Variants in ASTN2 observed in about 807,000 individuals in gnomAD.
The protein encoded by ASTN2 is astrotactin 2, also known as astrotactin-2.
Under a neutral mutation model 139.8 loss-of-function variants are expected in ASTN2, and 54 were observed. The ratio of observed to expected loss-of-function variants is 0.39; its 90% CI spans 0.31 to 0.48. The LOEUF (loss-of-function observed/expected upper bound fraction) is 0.48. Ranked by LOEUF, ASTN2 falls within the 20% of genes least tolerant of loss-of-function variation. The pLI, the probability that ASTN2 is intolerant of heterozygous loss-of-function variation, is 0.95. For missense variants in ASTN2, 1,565 were observed against 1,725.1 expected (o/e 0.91, Z 1.64); for synonymous variants, 756 against 719.5 (o/e 1.05, Z -0.81).
intron 19 of ASTN2, among the ~76,000 whole-genome samples, chr9:116,530,148 T>TAA (rs1851278986): frequency 4.7e-5 from 1 of 21,430 alleles, no homozygotes; most frequent in Non-Finnish European, 9.1e-5. Flanking sequence ...TATATATATA[T>TAA]ATAAAATAGA....
intron 13 of ASTN2, among the ~76,000 whole-genome samples, chr9:116,785,990 C>A (rs1830364711): frequency 6.6e-6 from 1 of 152,156 alleles, no homozygotes; most frequent in South Asian, 2.1e-4. Flanking sequence ...TACAAAATGG[C>A]CCATACTTCC....
rs111716372 is a variant in ASTN2 at position 116,756,770 on chromosome 9, AACACAC to A, written c.2397-23253_2397-23248del. 2.0e-4 allele frequency among the ~76,000 whole-genome samples: 30 copies of A among 148,114 alleles called. No homozygotes were observed. The South Asian group carries it at 4.7e-3, about 23-fold the overall frequency. ...GTTATCTATAAGATGCTCCGAATAA[AACACAC>A]ACACACACACACACACACACACATA... is the stretch of plus-strand genomic sequence containing the variant. On this transcript the variant is annotated intron_variant, in intron 13 of 22. Transcript: ENST00000313400.
At chr9:117,169,567 C>T (rs1372228254) in intron 3 of ASTN2, among the ~76,000 whole-genome samples, 1 of 152,110 alleles carries the variant, frequency 6.6e-6, no homozygotes, top group Non-Finnish European at 1.5e-5. Context: ...CCATTCTGTT[C>T]CCCCAAACAA....
intron 16 of ASTN2, among the ~76,000 whole-genome samples, chr9:116,657,223 G>T (rs1239962850): frequency 6.6e-6 from 1 of 152,140 alleles, no homozygotes; most frequent in Non-Finnish European, 1.5e-5. Context: ...GAACTTCTCA[G>T]CCTAACAATC....
At position 116,479,690 on chromosome 9, in the gene ASTN2, C is replaced by A. The variant is rs186261689; in HGVS notation, c.3497+7669G>T. Among the ~76,000 whole-genome samples the A allele has an allele frequency of 2.5e-4, 38 of 152,202 alleles. No homozygotes were observed. In the East Asian group the frequency reaches 5.2e-3, roughly 21 times the overall value. ...TGTGTGTGTAGTGCTGTGAGGACTG[C>A]GGGGAAGGGACAAAGTTTGAAATTC... On this transcript the variant is annotated intron_variant, in intron 20 of 22. Coordinates refer to ENST00000313400, the MANE Select transcript of ASTN2 (RefSeq NM_001365068.1).
intron 22 of ASTN2, among the ~76,000 whole-genome samples, chr9:116,434,680 C>T (rs1380662770): frequency 6.6e-6 from 1 of 152,150 alleles, no homozygotes; most frequent in Non-Finnish European, 1.5e-5. Context: ...CAAGAGTGGT[C>T]AAGGATGTTC....
chr9:117,398,084 A>ATG (rs142978231), intron 1 of ASTN2, among the ~76,000 whole-genome samples: 1,872 of 152,058 alleles, frequency 0.012, 26 homozygotes, highest in Middle Eastern at 0.02. Flanking sequence ...TATTATGTAT[A>ATG]TGTGTGTGTG....
Position 116,815,804 on chromosome 9 carries a change from C to CAAAAA in ASTN2, c.2207+4808_2207+4812dup, listed in dbSNP as rs55954354. On this transcript the variant is annotated intron_variant, in intron 12 of 22. Transcript: ENST00000313400. The stretch of plus-strand genomic sequence containing the variant: ...TGGGCAACAGAGCGAGACTCCGTCT[C>CAAAAA]AAAAAAAAAAAAAAAAAAAAAAAAG... 2.5e-4 allele frequency among the ~76,000 whole-genome samples: 6 copies of CAAAAA among 24,096 alleles called. 2 individuals are homozygous for CAAAAA. Among genetic ancestry groups the CAAAAA allele is most frequent in the East Asian group, 3.8e-3 (2 of 526 alleles). The allele number at this position is 24,096 out of a possible 152,430, so 15.8% of individuals were successfully genotyped here. A position where few individuals can be genotyped will look rare whatever the true frequency, so the allele number is the denominator to read the frequency against.
chr9:117,221,746 G>C (rs1484049032), intron 2 of ASTN2, among the ~76,000 whole-genome samples: 1 of 152,078 alleles, frequency 6.6e-6, no homozygotes, highest in East Asian at 1.9e-4. Flanking sequence ...TGGGGAAGGG[G>C]GCCCGGGATC....
rs1009122257 is a variant in ASTN2 at position 117,217,058 on chromosome 9, C to A, written c.631-2316G>T. Among the ~76,000 whole-genome samples the A allele has an allele frequency of 1.3e-4, 20 of 152,196 alleles. 1 individual carries two copies. The highest frequency in any genetic ancestry group is 4.8e-4 in the African/African-American group (20 of 41,514). ...GAAGTGGTGGAGCTGTGACTGGGCC[C>A]CAGCTCCCCATTTCACAGCCCTTGG... On this transcript the variant is annotated intron_variant, in intron 2 of 22. Coordinates refer to ENST00000313400, the MANE Select transcript of ASTN2 (RefSeq NM_001365068.1).
chr9:117,263,969 C>T (rs1833884434), intron 2 of ASTN2, among the ~76,000 whole-genome samples: 1 of 151,964 alleles, frequency 6.6e-6, no homozygotes, highest in Non-Finnish European at 1.5e-5. Flanking sequence ...GAGTTCGAGA[C>T]CAGCCTGGGC....
Position 117,372,025 on chromosome 9 carries a change from G to C in ASTN2, c.442+42472C>G, listed in dbSNP as rs142177523. ...CTCATTTGTGAGAAGTGGTAGACTG[G>C]TCCTAACTGAGTAGGGTTTGCAGGG... On this transcript the variant is annotated intron_variant, in intron 1 of 22. Transcript: ENST00000313400. 2.9e-3 allele frequency among the ~76,000 whole-genome samples: 447 copies of C among 152,198 alleles called. 2 individuals carry two copies. Among genetic ancestry groups the C allele is most frequent in the South Asian group, 0.016 (77 of 4,814 alleles).
chr9:116,532,466 G>A (rs927704176), intron 19 of ASTN2, among the ~76,000 whole-genome samples: 23 of 152,106 alleles, frequency 1.5e-4, no homozygotes, highest in Non-Finnish European at 2.4e-4. Context: ...TATTGCCTAG[G>A]ATTTCTTCTA....
At chr9:116,760,560 G>A (rs546580520) in intron 13 of ASTN2, among the ~76,000 whole-genome samples, 1 of 152,302 alleles carries the variant, frequency 6.6e-6, no homozygotes, top group South Asian at 2.1e-4. Flanking sequence ...GATTCCGAGC[G>A]AGGAACAGAC....
At chr9:116,459,321 T>G (rs1225123291) in intron 20 of ASTN2, among the ~76,000 whole-genome samples, 1 of 151,986 alleles carries the variant, frequency 6.6e-6, no homozygotes, top group Admixed American at 6.6e-5. Context: ...GAAGAAGACA[T>G]AAGAGAAAAT....
At chr9:117,052,433 T>TCAA (rs375714439) in intron 5 of ASTN2, among the ~76,000 whole-genome samples, 5 of 125,224 alleles carry the variant, frequency 4.0e-5, no homozygotes, top group African/African-American at 1.2e-4. Flanking sequence ...AGACTCCATC[T>TCAA]TAAAAAAAAA....
At chr9:117,006,438 C>T (rs570924756) in intron 7 of ASTN2, among the ~76,000 whole-genome samples, 1 of 152,260 alleles carries the variant, frequency 6.6e-6, no homozygotes, top group East Asian at 1.9e-4. Context: ...GCATTCTATT[C>T]TCAGTAATAA....
chr9:116,961,010 A>T (rs955396215), intron 10 of ASTN2, among the ~76,000 whole-genome samples: 1 of 69,748 alleles, frequency 1.4e-5, no homozygotes, highest in Non-Finnish European at 2.8e-5. Context: ...GGGCTGAAAG[A>T]TGCTGTAAGA....
chr9:117,286,153 C>T (rs958789331), intron 2 of ASTN2, among the ~76,000 whole-genome samples: 2 of 151,994 alleles, frequency 1.3e-5, no homozygotes, highest in African/African-American at 4.8e-5. Context: ...CAAGTGATAA[C>T]TATTTTTGTT....
Sources: allele counts gnomAD v4.1 joint callset (sites outside exome capture counted in the v4.1 genomes callset), GRCh38; gene constraint gnomAD v4.1.1; transcripts MANE v1.5; gene names NCBI Gene and HGNC (gene_info 2026-07-23, HGNC 2026-07-21).